Variants in UPRT observed in about 807,000 individuals in gnomAD.
UPRT encodes the protein uracil phosphoribosyltransferase homolog.
In UPRT, 5 loss-of-function variants were observed where a neutral mutation model predicts 22.6. That is an observed-to-expected ratio of 0.22 (90% CI 0.12 to 0.47). UPRT has a LOEUF of 0.47. Ranked by LOEUF, UPRT falls within the 20% of genes least tolerant of loss-of-function variation. UPRT has a pLI of 0.99. For synonymous variants in UPRT, 77 were observed against 87.7 expected, an observed-to-expected ratio of 0.88 and a Z score of 0.68; for missense variants, 181 against 239.9, an observed-to-expected ratio of 0.75 and a Z score of 1.62.
intron 4 of UPRT, among the ~76,000 whole-genome samples, chrX:75,250,126 C>A (rs1411092815): frequency 8.9e-6 from 1 of 111,767 alleles, no homozygotes; most frequent in African/African-American, 3.3e-5. Context: ...CTAAAATTGA[C>A]ACCCTAACAT....
At chrX:75,232,914 C>G (rs1244848434) in intron 4 of UPRT, among the ~76,000 whole-genome samples, 1 of 112,304 alleles carries the variant, frequency 8.9e-6, no homozygotes, top group Non-Finnish European at 1.9e-5. Context: ...TCCTCACCAG[C>G]AACAGAACAA....
upstream of UPRT, among the ~76,000 whole-genome samples, chrX:75,272,141 A>C (rs939664549): frequency 1.1e-4 from 12 of 108,610 alleles, no homozygotes; most frequent in African/African-American, 4.0e-4. Context: ...GTATCTACCC[A>C]GAGGAAAAGA....
At chrX:75,185,663 T>A (rs760716057) in intron 4 of UPRT, among the ~76,000 whole-genome samples, 1 of 112,135 alleles carries the variant, frequency 8.9e-6, no homozygotes, top group South Asian at 3.7e-4. Context: ...GACTCTTTTT[T>A]GTTGGTAAGC....
intron 4 of UPRT, among the ~76,000 whole-genome samples, chrX:75,221,476 A>G (rs1266612236): frequency 9.1e-6 from 1 of 109,987 alleles, no homozygotes; most frequent in East Asian, 2.9e-4. Flanking sequence ...CTTTGAGGCT[A>G]TTTTCTAGAT....
intron 1 of UPRT, among the ~76,000 whole-genome samples, chrX:75,277,835 T>C (rs2082637643): frequency 8.9e-6 from 1 of 111,958 alleles, no homozygotes; most frequent in African/African-American, 3.2e-5. Flanking sequence ...GCTGCTTATT[T>C]AGGCTGGGGA....
At position 75,283,689 on chromosome X, in the gene UPRT, T is replaced by A. The variant is rs4892564; in HGVS notation, c.386+9049T>A. ...CTGCTGTTAATCTGATAGGTTTTCA[T>A]AGGTTATCTGGTGTTTTTGTCTCAC... On this transcript the variant is annotated intron_variant, in intron 1 of 6. Coordinates refer to ENST00000373383, the MANE Select transcript of UPRT (RefSeq NM_145052.4). Among the ~76,000 whole-genome samples, 470 of 111,679 alleles carry A rather than the reference T, an allele frequency of 4.2e-3. 11 individuals carry two copies. The highest frequency in any genetic ancestry group is 0.04 in the Admixed American group (415 of 10,498).
rs1400161029 is a variant in UPRT at position 75,237,449 on chromosome X, G to T, written c.-446-53575G>T. On this transcript the variant is annotated intron_variant, in intron 4 of 13. Transcript: ENST00000652605. Reference sequence around the variant, plus strand: ...TTTGACCCAGCCATCCCATTACTGGGTATATACCCAAAGGACTATAAATCA... The same window carrying T: ...TTTGACCCAGCCATCCCATTACTGGTTATATACCCAAAGGACTATAAATCA... Among the ~76,000 whole-genome samples the T allele has an allele frequency of 2.7e-5, 3 of 111,154 alleles. No homozygotes were observed. The Admixed American group carries it at 2.9e-4, about 11-fold the overall frequency.
chrX:75,241,092 A>G, intron 4 of UPRT, among the ~76,000 whole-genome samples: 1 of 47,069 alleles, frequency 2.1e-5, no homozygotes, highest in East Asian at 9.1e-4. Context: ...ATTAAAGTAA[A>G]AAGCTTCTGC....
At chrX:75,182,942 G>A (rs1296702068) in intron 4 of UPRT, among the ~76,000 whole-genome samples, 1 of 110,751 alleles carries the variant, frequency 9.0e-6, no homozygotes, top group Non-Finnish European at 1.9e-5. Context: ...ATGTTAGGTT[G>A]TTAATTTGAG....
At chrX:75,163,518 A>G (rs750918056) in intron 3 of UPRT, among the ~76,000 whole-genome samples, 1 of 111,803 alleles carries the variant, frequency 8.9e-6, no homozygotes, top group African/African-American at 3.2e-5. Flanking sequence ...TGTAGGGTAT[A>G]TATACTAGAG....
intron 1 of UPRT, among the ~76,000 whole-genome samples, chrX:75,275,164 T>C (rs1293031724): frequency 8.9e-6 from 1 of 111,867 alleles, no homozygotes; most frequent in Admixed American, 9.5e-5. Context: ...TCAGGTTTAC[T>C]TGATCACATG....
chrX:75,214,434 G>A, intron 4 of UPRT, among the ~76,000 whole-genome samples: 1 of 112,928 alleles, frequency 8.9e-6, no homozygotes, highest in African/African-American at 3.2e-5. Context: ...TACCACCTAT[G>A]TGATGAATCT....
At chrX:75,254,389 T>C (rs960671781) in intron 4 of UPRT, among the ~76,000 whole-genome samples, 1 of 112,031 alleles carries the variant, frequency 8.9e-6, no homozygotes, top group Non-Finnish European at 1.9e-5. Context: ...AAAAATGATT[T>C]GGAAAGTCTC....
intron 4 of UPRT, among the ~76,000 whole-genome samples, chrX:75,183,964 T>G (rs2082280147): frequency 1.8e-5 from 2 of 112,226 alleles, no homozygotes; most frequent in Admixed American, 9.4e-5. Context: ...TTTCTCCCAT[T>G]TTGTAGGTTG....
intron 4 of UPRT, among the ~76,000 whole-genome samples, chrX:75,196,984 G>T (rs2082334486): frequency 9.0e-6 from 1 of 111,445 alleles, no homozygotes; most frequent in African/African-American, 3.3e-5. Flanking sequence ...CAATCCGTTG[G>T]GATGTTAGGG....
At chrX:75,178,911 C>T (rs967070946) in intron 4 of UPRT, among the ~76,000 whole-genome samples, 1 of 111,909 alleles carries the variant, frequency 8.9e-6, no homozygotes, top group Non-Finnish European at 1.9e-5. Flanking sequence ...CTTATCTGGC[C>T]TCACCTACAT....
intron 4 of UPRT, among the ~76,000 whole-genome samples, chrX:75,181,553 T>A (rs974086992): frequency 2.7e-5 from 3 of 111,368 alleles, no homozygotes; most frequent in Non-Finnish European, 5.6e-5. Flanking sequence ...GTTGTACAGG[T>A]CTTTCACCTC....
chrX:75,172,740 A>T (rs5981787), intron 4 of UPRT, among the ~76,000 whole-genome samples: 3,115 of 107,688 alleles, frequency 0.029, 117 homozygotes, highest in African/African-American at 0.1. Context: ...CGGTGAGTGT[A>T]ACAGCTCTTA....
intron 4 of UPRT, among the ~76,000 whole-genome samples, chrX:75,206,946 G>C (rs1287448121): frequency 8.9e-6 from 1 of 112,547 alleles, no homozygotes; most frequent in Non-Finnish European, 1.9e-5. Flanking sequence ...TTACAGGCGT[G>C]AGCCACCACA....
Sources: gnomAD v4.1 joint callset for allele counts (sites outside exome capture counted in the v4.1 genomes callset) on GRCh38, gnomAD v4.1.1 for gene constraint, MANE v1.5 for transcripts, NCBI Gene and HGNC (gene_info 2026-07-23, HGNC 2026-07-21) for gene names.